The following RERE variants were observed in gnomAD, a reference collection of about 807,000 sequenced individuals.
RERE encodes the protein arginine-glutamic acid dipeptide repeats.
In RERE, 40 loss-of-function variants were observed where a neutral mutation model predicts 146.1. The ratio of observed to expected loss-of-function variants is 0.27; its 90% CI spans 0.21 to 0.36. The LOEUF (loss-of-function observed/expected upper bound fraction) is 0.36. RERE is among the 10% of genes least tolerant of loss of function. The probability of loss-of-function intolerance (pLI) is 1.00; values close to 1 mark genes in which losing one functional copy is unlikely to be tolerated. For synonymous variants in RERE, 1,003 were observed against 866.0 expected (o/e 1.16, Z -2.78); for missense variants, 1,933 against 2,138.7 (o/e 0.90, Z 1.90).
chr1:8,685,891 GTGAGTGGAGCTATATCTTC>G (rs1260249119), intron 1 of RERE, among the ~76,000 whole-genome samples: 2 of 152,138 alleles, frequency 1.3e-5, no homozygotes, highest in Non-Finnish European at 2.9e-5. Context: ...TACTGGACAT[GTGAGTGGAGCTATATCTTC>G]TGAGTGGAGA....
chr1:8,684,267 C>T (rs1268292300), intron 1 of RERE, among the ~76,000 whole-genome samples: 1 of 152,122 alleles, frequency 6.6e-6, no homozygotes, highest in Non-Finnish European at 1.5e-5. Context: ...TGACCAAATA[C>T]ATTTTCAATG....
At chr1:8,773,048 T>C (rs1640984584) in intron 1 of RERE, among the ~76,000 whole-genome samples, 1 of 151,482 alleles carries the variant, frequency 6.6e-6, no homozygotes, top group Non-Finnish European at 1.5e-5. Context: ...GATCATGCCA[T>C]TGTATTCCAG....
At chr1:8,640,596 T>C (rs893093582) in intron 2 of RERE, among the ~76,000 whole-genome samples, 1 of 152,210 alleles carries the variant, frequency 6.6e-6, no homozygotes, top group Non-Finnish European at 1.5e-5. Flanking sequence ...TAACATATAC[T>C]ATGATGCCTA....
chr1:8,724,660 C>T (rs1162546231), intron 1 of RERE, among the ~76,000 whole-genome samples: 1 of 151,832 alleles, frequency 6.6e-6, no homozygotes, highest in Non-Finnish European at 1.5e-5. Flanking sequence ...GCGACCCCGT[C>T]GCTACTAAAA....
intron 1 of RERE, among the ~76,000 whole-genome samples, chr1:8,697,860 C>A (rs1489150528): frequency 6.6e-6 from 1 of 151,856 alleles, no homozygotes; most frequent in Non-Finnish European, 1.5e-5. Flanking sequence ...TGTATTAAAT[C>A]TTTGGAATAG....
intron 12 of RERE, among the ~76,000 whole-genome samples, chr1:8,386,333 C>A (rs926781583): frequency 6.6e-6 from 1 of 151,266 alleles, no homozygotes; most frequent in Non-Finnish European, 1.5e-5. Flanking sequence ...GAACCCCTCT[C>A]ATCCCAAGCC....
intron 11 of RERE, among the ~76,000 whole-genome samples, chr1:8,428,794 TAAC>T (rs762787367): frequency 6.6e-6 from 1 of 152,132 alleles, no homozygotes; most frequent in Non-Finnish European, 1.5e-5. Flanking sequence ...GGAATAAAAA[TAAC>T]AATAACATAA....
intron 7 of RERE, among the ~76,000 whole-genome samples, chr1:8,531,017 CT>C (rs1189678899): frequency 8.2e-6 from 1 of 122,448 alleles, no homozygotes; most frequent in African/African-American, 3.4e-5. Flanking sequence ...TTCTATCTAT[CT>C]ATCTATCTAT....
intron 12 of RERE, among the ~76,000 whole-genome samples, chr1:8,399,386 A>G (rs1223144406): frequency 6.6e-6 from 1 of 151,978 alleles, no homozygotes; most frequent in African/African-American, 2.4e-5. Flanking sequence ...ATCTTATTTT[A>G]TTTTGTTCCC....
intron 1 of RERE, among the ~76,000 whole-genome samples, chr1:8,657,908 A>C (rs1249438414): frequency 6.6e-6 from 1 of 152,224 alleles, no homozygotes; most frequent in Admixed American, 6.5e-5. Flanking sequence ...ACAAGCTTCC[A>C]TCTTTCGGGA....
At chr1:8,767,943 G>A (rs988153561) in intron 1 of RERE, among the ~76,000 whole-genome samples, 1 of 152,032 alleles carries the variant, frequency 6.6e-6, no homozygotes, top group African/African-American at 2.4e-5. Context: ...TCCAGCCTGG[G>A]TGACAGAGCG....
chr1:8,439,344 G>T, intron 11 of RERE, among the ~76,000 whole-genome samples: 1 of 152,160 alleles, frequency 6.6e-6, no homozygotes. Context: ...ACAGAAATGC[G>T]ATACTGTAAA....
At chr1:8,705,185 A>C (rs1639533719) in intron 1 of RERE, among the ~76,000 whole-genome samples, 1 of 152,210 alleles carries the variant, frequency 6.6e-6, no homozygotes, top group South Asian at 2.1e-4. Flanking sequence ...AGAAGAAGCA[A>C]ACCGCTCTAT....
chr1:8,366,904 G>GAAAAAAAAAAAAA (rs1185661395), intron 12 of RERE, among the ~76,000 whole-genome samples: 1 of 25,514 alleles, frequency 3.9e-5, no homozygotes, highest in Admixed American at 6.2e-4. Flanking sequence ...ACCTAGAACT[G>GAAAAAAAAAAAAA]AAAAAAAAAA....
Position 8,465,952 on chromosome 1 carries a change from G to C in RERE, c.1176C>G (p.Ile392Met), listed in dbSNP as rs751153216. Residue 392 changes from isoleucine (I) to methionine (M), a missense_variant, in exon 11 of 23, where the codon ATC (isoleucine) becomes ATG (methionine). Coordinates refer to ENST00000400908, the MANE Select transcript of RERE (RefSeq NM_001042681.2). ...CTTCGTCCTCGGTCCAGCACTTCTC[G>C]ATGAGCTTGGGCACAGGCTTCTTCA... ...RLVKKPVPKL[I>M]EKCWTEDEVK... 2 of 1,614,120 alleles carry C rather than the reference G, an allele frequency of 1.2e-6. No individual in the cohort carries two copies. The highest frequency in any genetic ancestry group is 2.2e-5 in the East Asian group (1 of 44,886).
At chr1:8,606,368 T>G (rs1646708535) in intron 4 of RERE, among the ~76,000 whole-genome samples, 1 of 152,190 alleles carries the variant, frequency 6.6e-6, no homozygotes, top group Non-Finnish European at 1.5e-5. Context: ...CCAGGAAATT[T>G]AAGTGAAAGG....
intron 1 of RERE, among the ~76,000 whole-genome samples, chr1:8,726,481 T>C (rs950309077): frequency 6.6e-6 from 1 of 152,072 alleles, no homozygotes; most frequent in African/African-American, 2.4e-5. Flanking sequence ...TAAGACAGTA[T>C]TGTAAACCAA....
Position 8,667,368 on chromosome 1 carries a change from C to A in RERE, c.-144-10927G>T, listed in dbSNP as rs569190807. ...TTCCAATAAAAATTTAAAATCCTGTCTTTCTTTAAAAAACACACAAACTCG... is the reference window on the plus strand; with the variant it reads ...TTCCAATAAAAATTTAAAATCCTGTATTTCTTTAAAAAACACACAAACTCG... On this transcript the variant is annotated intron_variant, in intron 1 of 22. Transcript: ENST00000400908. 1.2e-3 allele frequency among the ~76,000 whole-genome samples: 183 copies of A among 152,288 alleles called. 1 individual carries two copies. Among genetic ancestry groups the A allele is most frequent in the African/African-American group, 4.0e-3 (168 of 41,572 alleles).
At chr1:8,678,980 T>A (rs559389085) in intron 1 of RERE, among the ~76,000 whole-genome samples, 1 of 152,192 alleles carries the variant, frequency 6.6e-6, no homozygotes, top group African/African-American at 2.4e-5. Context: ...TAAATAAAAT[T>A]TTTAAAATGT....
Sources: allele counts gnomAD v4.1 joint callset (sites outside exome capture counted in the v4.1 genomes callset), GRCh38; gene constraint gnomAD v4.1.1; transcripts MANE v1.5; gene names NCBI Gene and HGNC (gene_info 2026-07-23, HGNC 2026-07-21).